Variants in PREX1 observed in about 807,000 individuals in gnomAD.
PREX1 encodes phosphatidylinositol-3,4,5-trisphosphate dependent Rac exchange factor 1.
PREX1 carries 41 observed loss-of-function variants against 198.3 expected under a neutral mutation model. The ratio of observed to expected loss-of-function variants is 0.21; its 90% CI spans 0.16 to 0.27. PREX1 has a LOEUF of 0.27. Among genes scored for constraint, PREX1 ranks in the 10% least tolerant of loss-of-function variants. The probability of loss-of-function intolerance (pLI) is 1.00; values close to 1 mark genes in which losing one functional copy is unlikely to be tolerated. For synonymous variants in PREX1, 843 were observed against 887.2 expected (o/e 0.95, Z 0.89); for missense variants, 1,620 against 2,200.7 (o/e 0.74, Z 5.28).
chr20:48,656,525 C>T (rs552659939), intron 18 of PREX1: 11 of 456,744 alleles, frequency 2.4e-5, no homozygotes, highest in South Asian at 9.3e-5. Context: ...GCGCCAGACA[C>T]GGTCCCACTT....
intron 1 of PREX1, among the ~76,000 whole-genome samples, chr20:48,759,549 C>CAAAAAAAAAAAAAAAAA (rs386393896): frequency 2.6e-4 from 19 of 73,858 alleles, no homozygotes; most frequent in African/African-American, 5.3e-4. Flanking sequence ...GATTCCATCT[C>CAAAAAAAAAAAAAAAAA]AAAAAAAAAA....
At chr20:48,824,178 T>G (rs780364972) in intron 1 of PREX1, among the ~76,000 whole-genome samples, 3 of 152,144 alleles carry the variant, frequency 2.0e-5, no homozygotes, top group Non-Finnish European at 4.4e-5. Context: ...CCAGCATCTC[T>G]GTGAAAGGGC....
In PREX1 at chr20:48,666,393, G is replaced by A; in HGVS notation, c.1666-38C>T. 6.6e-7 allele frequency: 1 copy of A among 1,509,296 alleles called. No individual in the cohort carries two copies. The allele number at this position is 1,509,296 out of a possible 1,614,324, so 93.5% of individuals were successfully genotyped here. ...AAGAAGGGGAGGGTGTTAGGTGGCA[G>A]CATCCGAGAGGCCATGCATGGCCAA... On this transcript the variant is annotated intron_variant, in intron 14 of 39. Transcript: ENST00000371941. The surrounding 1 kb of genome is among the most constrained non-coding windows in gnomAD (Gnocchi z 4.3).
the PREX1 span, among the ~76,000 whole-genome samples, chr20:48,851,395 T>C: frequency 2.6e-5 from 4 of 152,050 alleles, no homozygotes; most frequent in East Asian, 1.9e-4. Flanking sequence ...TAATCCCAGC[T>C]ATGTGGGAGG....
chr20:48,833,321 T>C, the PREX1 span, among the ~76,000 whole-genome samples: 1 of 152,196 alleles, frequency 6.6e-6, no homozygotes, highest in African/African-American at 2.4e-5. Flanking sequence ...GGATCTTTGA[T>C]GTCACTGAGA....
intron 37 of PREX1, among the ~76,000 whole-genome samples, chr20:48,628,327 G>C (rs2089289184): frequency 6.6e-6 from 1 of 152,220 alleles, no homozygotes; most frequent in Admixed American, 6.5e-5. Context: ...CGTGGGGTTT[G>C]AGATGGACAC....
rs114517603 is a variant in PREX1, at chr20:48,638,640, C to T, written c.3905-888G>A. Among the ~76,000 whole-genome samples, 598 of 152,164 alleles carry T rather than the reference C, an allele frequency of 3.9e-3. 5 individuals carry two copies. The highest frequency in any genetic ancestry group is 0.013 in the African/African-American group (544 of 41,490). On this transcript the variant is annotated intron_variant, in intron 30 of 39. Coordinates refer to ENST00000371941, the MANE Select transcript of PREX1 (RefSeq NM_020820.4). ...TCTTGTCAGGACTCACCACGCCAGG[C>T]ACCACGGCAGGACTCACCACGCCAG...
chr20:48,752,099 G>A (rs1284599561), intron 1 of PREX1, among the ~76,000 whole-genome samples: 3 of 152,118 alleles, frequency 2.0e-5, no homozygotes, highest in Non-Finnish European at 4.4e-5. Flanking sequence ...GTATGCACTC[G>A]AGATTAGTTC....
intron 33 of PREX1, 92 bp from the exon 34 acceptor site, chr20:48,632,731 T>C: frequency 2.1e-6 from 3 of 1,447,820 alleles, no homozygotes; most frequent in Non-Finnish European, 2.9e-6. Flanking sequence ...GGCACCTCCC[T>C]GCCCCCAGGT....
intron 1 of PREX1, among the ~76,000 whole-genome samples, chr20:48,767,260 C>T (rs911615778): frequency 1.6e-4 from 25 of 152,218 alleles, no homozygotes; most frequent in Admixed American, 4.6e-4. Context: ...CCACAGACTA[C>T]GACAGCTCAC....
rs150246374 is a variant in PREX1 at position 48,712,377 on chromosome 20, T to C, written c.622-3956A>G. 4.6e-5 allele frequency among the ~76,000 whole-genome samples: 7 copies of C among 152,286 alleles called. No individual in the cohort carries two copies. The East Asian group carries it at 1.4e-3, about 29-fold the overall frequency. On this transcript the variant is annotated intron_variant, in intron 5 of 39. Coordinates refer to ENST00000371941, the MANE Select transcript of PREX1 (RefSeq NM_020820.4). ...TCTCCAGCCTGAGGCCCTGGGCCTC[T>C]TCCCACCTCCCCCAACAAATAGGAA...
chr20:48,734,260 G>A (rs752760241), intron 4 of PREX1, among the ~76,000 whole-genome samples: 47 of 151,980 alleles, frequency 3.1e-4, no homozygotes, highest in South Asian at 6.2e-4. Context: ...AAGTTTTATT[G>A]CCACACAGCC....
At chr20:48,683,810 A>G (rs192214883) in intron 10 of PREX1, among the ~76,000 whole-genome samples, 1 of 152,278 alleles carries the variant, frequency 6.6e-6, no homozygotes, top group Admixed American at 6.5e-5. Context: ...GGCCGAGGAA[A>G]ACATGTCTGC....
chr20:48,644,091 T>C (rs1007626801), intron 27 of PREX1, among the ~76,000 whole-genome samples: 2 of 152,222 alleles, frequency 1.3e-5, no homozygotes, highest in Non-Finnish European at 1.5e-5. Context: ...CATCACAACA[T>C]TCATCGAACA....
At chr20:48,626,197 G>A (rs540068681) in intron 39 of PREX1, among the ~76,000 whole-genome samples, 2 of 152,314 alleles carry the variant, frequency 1.3e-5, no homozygotes, top group East Asian at 3.9e-4. Context: ...ATGTGGGGGT[G>A]GGGTGCACAT....
the PREX1 span, among the ~76,000 whole-genome samples, chr20:48,869,625 A>C: frequency 6.6e-6 from 1 of 152,272 alleles, no homozygotes; most frequent in African/African-American, 2.4e-5. Flanking sequence ...TAGGATAAAG[A>C]AAAGGTGGTA....
rs894106059 is a variant in PREX1, at chr20:48,666,073, T to C, written c.1738+210A>G. Among the ~76,000 whole-genome samples, 1 of 152,314 alleles carries C rather than the reference T, an allele frequency of 6.6e-6. No homozygotes were observed. Among genetic ancestry groups the C allele is most frequent in the African/African-American group, 2.4e-5 (1 of 41,574 alleles). On this transcript the variant is annotated intron_variant, in intron 15 of 39. Coordinates refer to ENST00000371941, the MANE Select transcript of PREX1 (RefSeq NM_020820.4). This position sits in a 1 kb window ranked among gnomAD's most constrained non-coding sequence, Gnocchi z 4.3. Reference sequence around the variant, plus strand: ...TGGACTTCAAATCTAGCCCATGTCCTTCCAGCCATTTTGGTCCCCAGTGGA... The same window carrying C: ...TGGACTTCAAATCTAGCCCATGTCCCTCCAGCCATTTTGGTCCCCAGTGGA...
At chr20:48,721,548 C>G (rs1012230494) in intron 5 of PREX1, among the ~76,000 whole-genome samples, 2 of 152,222 alleles carry the variant, frequency 1.3e-5, no homozygotes, top group Admixed American at 1.3e-4. Context: ...GGAAGCAAGC[C>G]TGGCTGAGCA....
intron 6 of PREX1, among the ~76,000 whole-genome samples, chr20:48,707,116 C>T (rs1196334011): frequency 2.0e-5 from 3 of 152,168 alleles, no homozygotes; most frequent in Non-Finnish European, 2.9e-5. Flanking sequence ...AGCTGGCGCC[C>T]GGGCCCTCTT....
Sources: allele counts gnomAD v4.1 joint callset (sites outside exome capture counted in the v4.1 genomes callset), GRCh38; gene constraint gnomAD v4.1.1; non-coding constraint Gnocchi (gnomAD v3.1); transcripts MANE v1.5; gene names NCBI Gene and HGNC (gene_info 2026-07-23, HGNC 2026-07-21).